The following MYO16 variants were observed in gnomAD, a reference collection of about 807,000 sequenced individuals.
The protein encoded by MYO16 is unconventional myosin-XVI.
A neutral mutation model predicts 205.3 loss-of-function variants in MYO16; 94 were observed. The observed-to-expected ratio is 0.46, with a 90% CI of 0.39 to 0.54. MYO16 has a LOEUF of 0.54. MYO16 is among the 20% of genes least tolerant of loss of function. The pLI is 0.00. For missense variants in MYO16, 2,315 were observed against 2,387.5 expected (o/e 0.97, Z 0.63); for synonymous variants, 988 against 954.0 (o/e 1.04, Z -0.66).
chr13:108,729,746 T>C (rs12872041), intron 4 of MYO16, among the ~76,000 whole-genome samples: 1 of 152,176 alleles, frequency 6.6e-6, no homozygotes, highest in East Asian at 1.9e-4. Context: ...TTCAGAAAGG[T>C]TTGTGAGATC....
chr13:108,733,286 C>A (rs1255920665), intron 4 of MYO16, among the ~76,000 whole-genome samples: 2 of 152,132 alleles, frequency 1.3e-5, no homozygotes, highest in Non-Finnish European at 2.9e-5. Context: ...TTTATGCAGC[C>A]CTCCCTATGC....
chr13:108,696,977 T>TA (rs11462001), intron 2 of MYO16, among the ~76,000 whole-genome samples: 40,109 of 145,040 alleles, frequency 0.28, 6,141 homozygotes, highest in Non-Finnish European at 0.36. Context: ...ATTCAAGCAT[T>TA]AAAAAAAAAA....
At chr13:108,704,231 C>CA (rs1375216488) in intron 2 of MYO16, among the ~76,000 whole-genome samples, 1 of 151,938 alleles carries the variant, frequency 6.6e-6, no homozygotes, top group Non-Finnish European at 1.5e-5. Flanking sequence ...ACCAATGTAT[C>CA]AAAAAATGAA....
At chr13:109,109,183 A>G (rs1004089357) in intron 28 of MYO16, among the ~76,000 whole-genome samples, 9 of 152,024 alleles carry the variant, frequency 5.9e-5, no homozygotes, top group African/African-American at 1.5e-4. Context: ...TTCTATGTCA[A>G]TATAAATTTC....
rs376301266 is a variant in MYO16 at position 108,607,519 on chromosome 13, T to G, written c.-39+11280T>G. On this transcript the variant is annotated intron_variant, in intron 1 of 24. Coordinates refer to the MYO16 transcript ENST00000251041. ...TGTGCCATATGAAGAAGGACATGTT[T>G]CCTTCCCCTTCTGCCATCATTGTAC... Among the ~76,000 whole-genome samples, 600 of 152,254 alleles carry G rather than the reference T, an allele frequency of 3.9e-3. 15 individuals are homozygous for G. In the South Asian group the frequency reaches 0.077, roughly 19 times the overall value.
intron 2 of MYO16, among the ~76,000 whole-genome samples, chr13:108,710,720 G>GATTTCT (rs1453320784): frequency 1.3e-5 from 2 of 152,128 alleles, no homozygotes; most frequent in African/African-American, 4.8e-5. Flanking sequence ...ATGGATCACT[G>GATTTCT]ATTTCTATTA....
chr13:108,694,376 G>A (rs766814459), intron 2 of MYO16, among the ~76,000 whole-genome samples: 19 of 152,138 alleles, frequency 1.2e-4, no homozygotes, highest in South Asian at 6.2e-4. Flanking sequence ...CTACAGTGGC[G>A]AAACCATTTT....
intron 4 of MYO16, among the ~76,000 whole-genome samples, chr13:108,766,005 G>A (rs1294724607): frequency 6.6e-6 from 1 of 152,050 alleles, no homozygotes; most frequent in African/African-American, 2.4e-5. Flanking sequence ...ACATCTCAAA[G>A]AATATTTTAG....
chr13:108,529,206 A>AT, the MYO16 span, among the ~76,000 whole-genome samples: 2 of 151,832 alleles, frequency 1.3e-5, no homozygotes, highest in Admixed American at 6.6e-5. Flanking sequence ...TTTCTTACGT[A>AT]TTTTTTTCTG....
At chr13:109,130,749 A>G (rs1876494396) in intron 31 of MYO16, among the ~76,000 whole-genome samples, 1 of 152,226 alleles carries the variant, frequency 6.6e-6, no homozygotes, top group East Asian at 1.9e-4. Flanking sequence ...CAGTGATGAA[A>G]TTGATCCTAG....
intron 34 of MYO16, among the ~76,000 whole-genome samples, chr13:109,203,460 C>T (rs2139976596): frequency 6.6e-6 from 1 of 150,650 alleles, no homozygotes; most frequent in Non-Finnish European, 1.5e-5. Context: ...TAACCAGGAA[C>T]ATGTTGGCTT....
At chr13:109,200,349 T>C (rs1473785138) in intron 34 of MYO16, among the ~76,000 whole-genome samples, 1 of 152,182 alleles carries the variant, frequency 6.6e-6, no homozygotes, top group African/African-American at 2.4e-5. Flanking sequence ...ATGTCTGTAA[T>C]AGAAAAGAAG....
At chr13:108,681,678 G>T (rs959159042) in intron 2 of MYO16, among the ~76,000 whole-genome samples, 1 of 152,086 alleles carries the variant, frequency 6.6e-6, no homozygotes, top group Non-Finnish European at 1.5e-5. Flanking sequence ...CACAGCTATG[G>T]GGGTGGGGGT....
At chr13:108,692,131 T>A (rs1882919998) in intron 2 of MYO16, among the ~76,000 whole-genome samples, 1 of 152,226 alleles carries the variant, frequency 6.6e-6, no homozygotes, top group South Asian at 2.1e-4. Flanking sequence ...GAAAAAGACA[T>A]CATGAATCAA....
chr13:108,713,020 TC>T (rs1883784321), intron 3 of MYO16, among the ~76,000 whole-genome samples: 2 of 152,240 alleles, frequency 1.3e-5, no homozygotes, highest in Non-Finnish European at 2.9e-5. Context: ...AATCATCCTT[TC>T]TTTTTTCCTA....
intron 1 of MYO16, among the ~76,000 whole-genome samples, chr13:108,640,499 C>A (rs778528876): frequency 6.6e-6 from 1 of 152,158 alleles, no homozygotes; most frequent in Admixed American, 6.5e-5. Flanking sequence ...TTGTGCCACT[C>A]CAAAATGCTT....
In MYO16 at chr13:108,880,155, G is replaced by A. The variant is rs201878650; in HGVS notation, c.1426-2904G>A. The stretch of plus-strand genomic sequence containing the variant: ...TCATGTGTCTGTTGGCTGCATAAAT[G>A]TCTTCTTTTGGGAAGTGTCTGTTCA... On this transcript the variant is annotated intron_variant, in intron 12 of 34. Coordinates refer to ENST00000457511, the MANE Select transcript of MYO16 (RefSeq NM_001198950.3). 7.9e-5 allele frequency among the ~76,000 whole-genome samples: 12 copies of A among 152,318 alleles called. No individual in the cohort carries two copies. In the East Asian group the frequency reaches 2.3e-3, roughly 29 times the overall value.
intron 16 of MYO16, among the ~76,000 whole-genome samples, chr13:108,928,020 T>G (rs1882087155): frequency 6.6e-6 from 1 of 152,230 alleles, no homozygotes; most frequent in Admixed American, 6.5e-5. Context: ...TCTAGAACCT[T>G]CTACCCTTCC....
At chr13:108,609,962 A>G (rs1879110590) in intron 1 of MYO16, among the ~76,000 whole-genome samples, 1 of 152,098 alleles carries the variant, frequency 6.6e-6, no homozygotes, top group South Asian at 2.1e-4. Flanking sequence ...ACTGGGCCCA[A>G]AAGGAAATTG....
Sources: allele counts gnomAD v4.1 joint callset (sites outside exome capture counted in the v4.1 genomes callset), GRCh38; gene constraint gnomAD v4.1.1; transcripts MANE v1.5; gene names NCBI Gene and HGNC (gene_info 2026-07-23, HGNC 2026-07-21).